ITPR2: variants seen among roughly 807,000 people sequenced by gnomAD.
The protein encoded by ITPR2 is inositol 1,4,5-trisphosphate receptor type 2.
Under a neutral mutation model 317.1 loss-of-function variants are expected in ITPR2, and 207 were observed. The observed-to-expected ratio is 0.65, with a 90% confidence interval of 0.58 to 0.73. ITPR2 has a LOEUF of 0.73. Among genes scored for constraint, ITPR2 ranks in the 30% least tolerant of loss-of-function variants. ITPR2 has a pLI of 0.00. For missense variants in ITPR2, 2,613 were observed against 3,284.0 expected (o/e 0.80, Z 4.99); for synonymous variants, 1,156 against 1,149.1 (o/e 1.01, Z -0.12).
At chr12:26,448,010 A>AAT (rs1243136321) in intron 45 of ITPR2, among the ~76,000 whole-genome samples, 2 of 151,290 alleles carry the variant, frequency 1.3e-5, no homozygotes, top group Non-Finnish European at 3.0e-5. Context: ...TTTAAAAAAA[A>AAT]AAAAACCCAG....
chr12:26,725,849 T>C, intron 2 of ITPR2, 84 bp from the exon 3 acceptor site: 1 of 865,254 alleles, frequency 1.2e-6, no homozygotes, highest in Non-Finnish European at 1.9e-6. Context: ...CTTTTGAATC[T>C]TGGAATCCCT....
intron 49 of ITPR2, among the ~76,000 whole-genome samples, chr12:26,427,199 C>T (rs2136701413): frequency 6.6e-6 from 1 of 152,242 alleles, no homozygotes; most frequent in Admixed American, 6.5e-5. Flanking sequence ...ATCAGCAATA[C>T]TTATTTTCTT....
intron 21 of ITPR2, among the ~76,000 whole-genome samples, chr12:26,643,890 A>T (rs1325205688): frequency 6.6e-6 from 1 of 152,224 alleles, no homozygotes. Context: ...ATTTTTGGAA[A>T]ATCCTCAGCC....
chr12:26,501,675 T>C (rs1943076168), intron 37 of ITPR2, among the ~76,000 whole-genome samples: 1 of 152,212 alleles, frequency 6.6e-6, no homozygotes, highest in South Asian at 2.1e-4. Flanking sequence ...AACAAGACTG[T>C]GGAAAATGTT....
At chr12:26,730,102 G>A (rs1949001527) in intron 2 of ITPR2, among the ~76,000 whole-genome samples, 1 of 152,118 alleles carries the variant, frequency 6.6e-6, no homozygotes, top group African/African-American at 2.4e-5. Context: ...ATGACAAGGT[G>A]TCCACCCCTT....
chr12:26,478,208 G>A (rs772391448), intron 43 of ITPR2, among the ~76,000 whole-genome samples: 59 of 152,134 alleles, frequency 3.9e-4, no homozygotes, highest in Non-Finnish European at 7.5e-4. Flanking sequence ...CAATAATAGT[G>A]ACGATGATGA....
At chr12:26,516,197 GGGAAGGGGAGGACA>G (rs1943487498) in intron 37 of ITPR2, among the ~76,000 whole-genome samples, 2 of 129,012 alleles carry the variant, frequency 1.6e-5, no homozygotes, top group Non-Finnish European at 3.3e-5. Context: ...AGGCGGGGGA[GGGAAGGGGAGGACA>G]GGAAGGAAAG....
chr12:26,497,614 T>C lies in ITPR2; in HGVS notation c.5074-2354A>G, dbSNP rs527808010. Among the ~76,000 whole-genome samples the C allele has an allele frequency of 3.2e-4, 48 of 152,290 alleles. No homozygotes were observed. The South Asian group carries it at 4.8e-3, about 15-fold the overall frequency. ...GACTCTGAGGAGGCTCTACATGGCA[T>C]AGCCTGTCTACTAACTTATGTGATC... On this transcript the variant is annotated intron_variant, in intron 37 of 56. Transcript: ENST00000381340.
chr12:26,384,889 G>A (rs1939622419), intron 55 of ITPR2, among the ~76,000 whole-genome samples: 1 of 151,992 alleles, frequency 6.6e-6, no homozygotes, highest in African/African-American at 2.4e-5. Flanking sequence ...GGGATCCCCT[G>A]GGTTCTGTCT....
intron 54 of ITPR2, among the ~76,000 whole-genome samples, chr12:26,395,430 G>A (rs1219633717): frequency 2.6e-5 from 4 of 152,166 alleles, no homozygotes; most frequent in Non-Finnish European, 4.4e-5. Context: ...AGAGGAGCAG[G>A]AATCTTGGGT....
intron 32 of ITPR2, among the ~76,000 whole-genome samples, chr12:26,585,294 TAAA>T (rs1945496236): frequency 6.6e-6 from 1 of 152,196 alleles, no homozygotes; most frequent in Non-Finnish European, 1.5e-5. Flanking sequence ...TTTACATTAT[TAAA>T]AATTCTCAAA....
chr12:26,664,038 A>G (rs1947563886), intron 14 of ITPR2, among the ~76,000 whole-genome samples, 192 bp from the exon 15 acceptor site: 1 of 152,232 alleles, frequency 6.6e-6, no homozygotes, highest in Non-Finnish European at 1.5e-5. Context: ...CAAAAGGGTC[A>G]CCTACATTGA....
intron 12 of ITPR2, 60 bp downstream of exon 12, chr12:26,682,514 A>G: frequency 1.9e-6 from 2 of 1,030,306 alleles, no homozygotes; most frequent in Non-Finnish European, 3.0e-6. Context: ...CAGCATTCCT[A>G]TCCTAATCCT....
chr12:26,385,526 T>C (rs1939640658), intron 55 of ITPR2, among the ~76,000 whole-genome samples: 2 of 152,194 alleles, frequency 1.3e-5, no homozygotes, highest in Admixed American at 1.3e-4. Flanking sequence ...CTAGGTCACA[T>C]TATTCCCTTA....
intron 32 of ITPR2, among the ~76,000 whole-genome samples, chr12:26,591,473 T>A (rs112616784): frequency 0.067 from 10,143 of 152,260 alleles, 440 homozygotes; most frequent in Middle Eastern, 0.14. Flanking sequence ...GAAACCCTTG[T>A]ACACATTAGT....
intron 45 of ITPR2, among the ~76,000 whole-genome samples, chr12:26,453,708 T>C (rs1433145351): frequency 6.6e-6 from 1 of 152,232 alleles, no homozygotes; most frequent in Non-Finnish European, 1.5e-5. Context: ...CAGGTAATAT[T>C]ACTTGAGTTG....
chr12:26,833,015 C>G lies in ITPR2; in HGVS notation c.-234G>C. The G allele has an allele frequency of 2.1e-6, 1 of 487,280 alleles. No individual in the cohort carries two copies. The highest frequency in any genetic ancestry group is 3.6e-6 in the Non-Finnish European group (1 of 280,526). The allele number at this position is 487,280 out of a possible 1,614,324, so 30.2% of individuals were successfully genotyped here. A position where few individuals can be genotyped will look rare whatever the true frequency, so the allele number is the denominator to read the frequency against. On this transcript the variant is annotated 5_prime_UTR_variant, in exon 1 of 57. Coordinates refer to ENST00000381340, the MANE Select transcript of ITPR2 (RefSeq NM_002223.4). ...CGGACACCCCGCGAAGAGCGCAGCC[C>G]AGGCGCCCAGAGAAGCCGCAGCCGC...
chr12:26,775,933 C>CATATATAT lies in ITPR2; in HGVS notation c.163+14216_163+14223dup. ...ATACCACTTAATAAACTCCCCTTTACATATATATATATATGTATATGTATA... is the reference window on the plus strand; with the variant it reads ...ATACCACTTAATAAACTCCCCTTTACATATATATATATATATATATATGTATATGTATA... On this transcript the variant is annotated intron_variant, in intron 2 of 56. Transcript: ENST00000381340. Among the ~76,000 whole-genome samples, 28 of 85,444 alleles carry CATATATAT rather than the reference C, an allele frequency of 3.3e-4. 3 individuals are homozygous for CATATATAT. Among genetic ancestry groups the CATATATAT allele is most frequent in the Admixed American group, 1.0e-3 (9 of 8,810 alleles). The allele number at this position is 85,444 out of a possible 152,430, so 56.1% of individuals were successfully genotyped here. A position where few individuals can be genotyped will look rare whatever the true frequency, so the allele number is the denominator to read the frequency against.
At chr12:26,691,282 G>A (rs1355813759) in intron 10 of ITPR2, among the ~76,000 whole-genome samples, 1 of 152,126 alleles carries the variant, frequency 6.6e-6, no homozygotes, top group African/African-American at 2.4e-5. Context: ...TTAAAATTGT[G>A]TCCTTGTGGC....
Sources: gnomAD v4.1 joint callset for allele counts (sites outside exome capture counted in the v4.1 genomes callset) on GRCh38, gnomAD v4.1.1 for gene constraint, MANE v1.5 for transcripts, NCBI Gene and HGNC (gene_info 2026-07-23, HGNC 2026-07-21) for gene names.